Variants in SPATA18 observed in about 807,000 individuals in gnomAD.
SPATA18 encodes the protein spermatogenesis associated 18.
SPATA18 carries 54 observed loss-of-function variants against 68.1 expected under a neutral mutation model. The ratio of observed to expected loss-of-function variants is 0.79; its 90% CI spans 0.64 to 0.99. The LOEUF is 0.99. SPATA18 is among the 50% of genes least tolerant of loss of function. SPATA18 has a pLI of 0.00. For synonymous variants in SPATA18, 242 were observed against 244.8 expected (o/e 0.99, Z 0.11); for missense variants, 724 against 681.1 (o/e 1.06, Z -0.70).
At chr4:52,062,825 T>C (rs989646844) in intron 4 of SPATA18, among the ~76,000 whole-genome samples, 1 of 152,320 alleles carries the variant, frequency 6.6e-6, no homozygotes, top group East Asian at 1.9e-4. Flanking sequence ...TGTGCTTCTC[T>C]GAATCTGAGA....
At position 52,060,784 on chromosome 4, in the gene SPATA18, G is replaced by C. The variant is rs773113022; in HGVS notation, c.196G>C (p.Gly66Arg). The C allele has an allele frequency of 4.3e-6, 7 of 1,613,492 alleles. No individual in the cohort carries two copies. Among genetic ancestry groups the C allele is most frequent in the Non-Finnish European group, 5.1e-6 (6 of 1,179,574 alleles). The change falls in exon 3 of 13, where the codon GGA (glycine) becomes CGA (arginine). Residue 66 changes from glycine to arginine, a missense_variant and splice_region_variant. By Grantham distance (125) the Gly-to-Arg change is moderately radical. Coordinates refer to ENST00000295213, the MANE Select transcript of SPATA18 (RefSeq NM_145263.4). ...TAACTCGTCATTTAACATTTTAGGA[G>C]GACGTAATGATGGTGTGGAAACAAT... ...GILTAAAQEG[G>R]RNDGVETIKS...
Position 52,076,851 on chromosome 4 carries a change from C to A in SPATA18, c.831C>A (p.Pro277=). 1 of 1,614,244 alleles carries A rather than the reference C, an allele frequency of 6.2e-7. No homozygotes were observed. Among genetic ancestry groups the A allele is most frequent in the South Asian group, 1.1e-5 (1 of 91,084 alleles). Residue 277 remains proline (P), a synonymous_variant, in exon 7 of 13, where the codon CCC becomes CCA. Coordinates refer to ENST00000295213, the MANE Select transcript of SPATA18 (RefSeq NM_145263.4). ...RSCSRSRSAS[P]STAVKVRRPS... ...GCAGCCGCAGCAGATCTGCCAGCCCCTCCACCGCTGTCAAGGTCAGGAGAC... is the reference window on the plus strand; with the variant it reads ...GCAGCCGCAGCAGATCTGCCAGCCCATCCACCGCTGTCAAGGTCAGGAGAC...
At chr4:52,092,719 C>T (rs1742086173) in intron 11 of SPATA18, among the ~76,000 whole-genome samples, 1 of 152,132 alleles carries the variant, frequency 6.6e-6, no homozygotes, top group Admixed American at 6.6e-5. Context: ...CTGCATGCTC[C>T]TTATCATACA....
chr4:52,062,770 G>A (rs1422871223), intron 4 of SPATA18, among the ~76,000 whole-genome samples: 1 of 152,182 alleles, frequency 6.6e-6, no homozygotes, highest in South Asian at 2.1e-4. Context: ...GTCAAATGAA[G>A]CAGGCTGCAT....
In SPATA18 at chr4:52,051,583, G is replaced by T; in HGVS notation, c.-122G>T. The T allele has an allele frequency of 1.1e-6, 1 of 933,632 alleles. No individual in the cohort carries two copies. The highest frequency in any genetic ancestry group is 1.7e-6 in the Non-Finnish European group (1 of 583,710). The allele number at this position is 933,632 out of a possible 1,614,324, so 57.8% of individuals were successfully genotyped here. On this transcript the variant is annotated 5_prime_UTR_variant, in exon 1 of 13. Coordinates refer to ENST00000295213, the MANE Select transcript of SPATA18 (RefSeq NM_145263.4). ...GGGGGAGGATGGAAACACCTGCCGCGCTCTGAGCCCCCCAGAAGAGAACAC... is the reference window on the plus strand; with the variant it reads ...GGGGGAGGATGGAAACACCTGCCGCTCTCTGAGCCCCCCAGAAGAGAACAC...
At chr4:52,072,189 G>C (rs1739919512) in intron 6 of SPATA18, 33 bp downstream of exon 6, 1 of 1,609,238 alleles carries the variant, frequency 6.2e-7, no homozygotes. Context: ...TTCTCATTTA[G>C]GCTCTTTTTG....
intron 4 of SPATA18, among the ~76,000 whole-genome samples, chr4:52,064,391 C>T (rs1739147103): frequency 6.6e-6 from 1 of 152,116 alleles, no homozygotes; most frequent in Non-Finnish European, 1.5e-5. Context: ...GCGGTATACA[C>T]TATAGCCAAT....
At chr4:52,094,622 CT>C (rs1336256541) in intron 12 of SPATA18, 50 bp downstream of exon 12, 1 of 1,553,142 alleles carries the variant, frequency 6.4e-7, no homozygotes, top group Non-Finnish European at 8.9e-7. Context: ...TTTAATACTC[CT>C]TCTAGTACTT....
intron 11 of SPATA18, 147 bp downstream of exon 11, chr4:52,085,146 T>A (rs1741311374): frequency 1.7e-6 from 1 of 592,550 alleles, no homozygotes; most frequent in Non-Finnish European, 3.0e-6. Context: ...AATTGATTTT[T>A]ATACTACTGT....
rs1203395665 is a variant in SPATA18, at chr4:52,095,698, G to C, written c.*811G>C. The C allele has an allele frequency of 6.6e-6, 1 of 152,140 alleles. No homozygotes were observed. The highest frequency in any genetic ancestry group is 1.5e-5 in the Non-Finnish European group (1 of 68,026). 9.4% of individuals were successfully genotyped at this position (152,140 alleles called of 1,614,324 possible). On this transcript the variant is annotated 3_prime_UTR_variant, in exon 13 of 13. Transcript: ENST00000295213. ...TTTAATGCATGTGTTATATATAAAAGTTTCTTGGGACATGCTCTTCACCTG... is the reference window on the plus strand; with the variant it reads ...TTTAATGCATGTGTTATATATAAAACTTTCTTGGGACATGCTCTTCACCTG...
chr4:52,094,734 A>C, intron 12 of SPATA18, 146 bp from the exon 13 acceptor site: 2 of 1,265,132 alleles, frequency 1.6e-6, no homozygotes, highest in Non-Finnish European at 2.3e-6. Context: ...GTACCCAGGC[A>C]GGTCCCATGG....
intron 5 of SPATA18, among the ~76,000 whole-genome samples, 155 bp downstream of exon 5, chr4:52,070,071 ATTAC>A (rs951683874): frequency 6.6e-5 from 10 of 150,944 alleles, no homozygotes; most frequent in Non-Finnish European, 1.5e-4. Flanking sequence ...CTACAAAGAT[ATTAC>A]TTATCTACTA....
intron 7 of SPATA18, among the ~76,000 whole-genome samples, chr4:52,077,494 C>CATATATATATGA (rs1740495356): frequency 6.6e-6 from 1 of 151,262 alleles, no homozygotes; most frequent in Admixed American, 6.6e-5. Flanking sequence ...GATAACTATT[C>CATATATATATGA]ATATATATAT....
At chr4:52,079,611 A>G in intron 8 of SPATA18, 133 bp from the exon 9 acceptor site, 1 of 980,348 alleles carries the variant, frequency 1.0e-6, no homozygotes, top group Non-Finnish European at 1.5e-6. Flanking sequence ...TAGCACATTC[A>G]CTGTTTTTCT....
intron 4 of SPATA18, among the ~76,000 whole-genome samples, chr4:52,065,858 A>T (rs1023132337): frequency 6.6e-6 from 1 of 152,198 alleles, no homozygotes; most frequent in East Asian, 1.9e-4. Context: ...CCCCCAAGCA[A>T]GGGAAGATTT....
rs1560593671 is a variant in SPATA18, at chr4:52,071,897, CCTCT to C, written c.519-15_519-12del. 27 of 1,610,866 alleles carry C rather than the reference CCTCT, an allele frequency of 1.7e-5. No individual in the cohort carries two copies. Among genetic ancestry groups the C allele is most frequent in the African/African-American group, 2.7e-5 (2 of 74,862 alleles). On this transcript the variant is annotated splice_polypyrimidine_tract_variant and intron_variant, in intron 5 of 12. Coordinates refer to ENST00000295213, the MANE Select transcript of SPATA18 (RefSeq NM_145263.4). ...CCTCTCCTCTCTTCCCTTCCTCTGCCCTCTCTCTTTGCTGTTCAGGCTTAAATCT... is the reference window on the plus strand; with the variant it reads ...CCTCTCCTCTCTTCCCTTCCTCTGCCCTCTTTGCTGTTCAGGCTTAAATCT...
At position 52,051,555 on chromosome 4, in the gene SPATA18, C is replaced by A; in HGVS notation, c.-150C>A. Reference sequence around the variant, plus strand: ...TTCCCGAACCCGGCCAGGTCCGACCCGAGGGGGAGGATGGAAACACCTGCC... The same window carrying A: ...TTCCCGAACCCGGCCAGGTCCGACCAGAGGGGGAGGATGGAAACACCTGCC... On this transcript the variant is annotated 5_prime_UTR_variant, in exon 1 of 13. Transcript: ENST00000295213. The A allele has an allele frequency of 1.3e-6, 1 of 763,878 alleles. No individual in the cohort carries two copies. The highest frequency in any genetic ancestry group is 1.6e-5 in the South Asian group (1 of 62,230). The allele number at this position is 763,878 out of a possible 1,614,324, so 47.3% of individuals were successfully genotyped here.
chr4:52,064,792 C>A (rs976246892), intron 4 of SPATA18, among the ~76,000 whole-genome samples: 2 of 152,130 alleles, frequency 1.3e-5, no homozygotes, highest in African/African-American at 4.8e-5. Flanking sequence ...GGCAGGTATG[C>A]AGTAGTGGGA....
At chr4:52,064,094 A>G (rs1017041595) in intron 4 of SPATA18, among the ~76,000 whole-genome samples, 6 of 152,014 alleles carry the variant, frequency 3.9e-5, no homozygotes, top group African/African-American at 1.4e-4. Context: ...AACACAGCAA[A>G]TCTGCTAGAA....
Sources: gnomAD v4.1 joint callset for allele counts (sites outside exome capture counted in the v4.1 genomes callset) on GRCh38, gnomAD v4.1.1 for gene constraint, MANE v1.5 for transcripts, NCBI Gene and HGNC (gene_info 2026-07-23, HGNC 2026-07-21) for gene names.